Variants in PGAP4 observed in about 807,000 individuals in gnomAD.
The protein encoded by PGAP4 is GPI-N-acetylgalactosamine transferase PGAP4.
In PGAP4, 12 loss-of-function variants were observed where a neutral mutation model predicts 28.2. The observed-to-expected ratio is 0.42, with a 90% confidence interval of 0.27 to 0.69. The LOEUF (loss-of-function observed/expected upper bound fraction) is 0.69. Ranked by LOEUF, PGAP4 falls within the 30% of genes least tolerant of loss-of-function variation. The probability of loss-of-function intolerance (pLI) is 0.22; values close to 1 mark genes in which losing one functional copy is unlikely to be tolerated. For synonymous variants in PGAP4, 205 were observed against 211.8 expected (o/e 0.97, Z 0.28); for missense variants, 425 against 513.5 (o/e 0.83, Z 1.67).
intron 1 of PGAP4, among the ~76,000 whole-genome samples, chr9:101,481,139 C>T (rs576435080): frequency 2.0e-5 from 3 of 152,212 alleles, no homozygotes; most frequent in African/African-American, 4.8e-5. Context: ...GATCGCACCA[C>T]CGCACTCCAG....
At chr9:101,505,971 A>G (rs1168804035) in intron 2 of PGAP4, among the ~76,000 whole-genome samples, 4 of 152,180 alleles carry the variant, frequency 2.6e-5, no homozygotes, top group Non-Finnish European at 4.4e-5. Context: ...CAGCAACTCC[A>G]TAGCATCAAC....
chr9:101,512,875 A>T (rs1826909200), intron 2 of PGAP4, among the ~76,000 whole-genome samples: 1 of 152,148 alleles, frequency 6.6e-6, no homozygotes, highest in African/African-American at 2.4e-5. Context: ...TTCCACGTTC[A>T]AAGAGTTTGA....
chr9:101,503,868 T>C (rs544578026), intron 2 of PGAP4, among the ~76,000 whole-genome samples: 1 of 152,208 alleles, frequency 6.6e-6, no homozygotes, highest in South Asian at 2.1e-4. Flanking sequence ...TGTTCTGCTT[T>C]TAAAAAATTG....
At chr9:101,524,003 C>T (rs958442251) in intron 2 of PGAP4, among the ~76,000 whole-genome samples, 1 of 151,838 alleles carries the variant, frequency 6.6e-6, no homozygotes, top group African/African-American at 2.4e-5. Flanking sequence ...ATTGTTATCT[C>T]TCTTCTGGGT....
intron 2 of PGAP4, among the ~76,000 whole-genome samples, chr9:101,522,846 T>G (rs1826999853): frequency 6.6e-6 from 1 of 152,218 alleles, no homozygotes; most frequent in South Asian, 2.1e-4. Context: ...TTAAAGAAGT[T>G]CTGTTTTGTT....
At chr9:101,493,784 C>T (rs2118576989) in intron 2 of PGAP4, among the ~76,000 whole-genome samples, 1 of 152,212 alleles carries the variant, frequency 6.6e-6, no homozygotes, top group East Asian at 1.9e-4. Flanking sequence ...ATATCTTAGG[C>T]ATGAGGCTTG....
chr9:101,526,235 C>T (rs189435392), intron 2 of PGAP4, among the ~76,000 whole-genome samples: 3 of 152,164 alleles, frequency 2.0e-5, no homozygotes, highest in Admixed American at 6.5e-5. Context: ...TTGTAAGTGG[C>T]TACCCACATA....
At chr9:101,519,317 C>T (rs540139499) in intron 2 of PGAP4, among the ~76,000 whole-genome samples, 1 of 152,212 alleles carries the variant, frequency 6.6e-6, no homozygotes, top group South Asian at 2.1e-4. Context: ...ACTGCCATGC[C>T]CAGCTAATTT....
intron 2 of PGAP4, among the ~76,000 whole-genome samples, chr9:101,520,061 T>A (rs918441671): frequency 2.0e-5 from 3 of 152,236 alleles, no homozygotes; most frequent in African/African-American, 7.2e-5. Flanking sequence ...CTTTATTCTG[T>A]TCCACTGGTC....
intron 1 of PGAP4, 88 bp from the exon 2 acceptor site, chr9:101,477,257 G>C (rs977187890): frequency 1.8e-5 from 18 of 1,011,378 alleles, no homozygotes; most frequent in Non-Finnish European, 2.3e-5. Flanking sequence ...CAAGAACTGA[G>C]CTCAGCACAT....
intron 2 of PGAP4, among the ~76,000 whole-genome samples, chr9:101,496,703 C>A (rs373021414): frequency 1.1e-4 from 17 of 150,960 alleles, no homozygotes; most frequent in East Asian, 5.8e-4. Context: ...TTTAAAAAAA[C>A]CAAAAACAGT....
chr9:101,489,912 TTTGAAC>T (rs775763885), upstream of PGAP4, among the ~76,000 whole-genome samples: 11 of 152,324 alleles, frequency 7.2e-5, no homozygotes, highest in Non-Finnish European at 1.3e-4. Flanking sequence ...AGTAATTGAA[TTTGAAC>T]ATATACCTGA....
rs138386382 is a variant in PGAP4, at chr9:101,507,366, G to T, written c.-164-18166C>A. On this transcript the variant is annotated intron_variant, in intron 2 of 3. Transcript: ENST00000374851. ...TCACTATTTGGGACATGATCTAAGT[G>T]CTGCAAGTCTCCAACTGTCTCCTAA... Among the ~76,000 whole-genome samples the T allele has an allele frequency of 3.7e-3, 565 of 152,204 alleles. 6 individuals are homozygous for T. Among genetic ancestry groups the T allele is most frequent in the Middle Eastern group, 3.4e-3 (1 of 294 alleles).
At chr9:101,518,793 TTTTCATATGAC>T (rs1826961797) in intron 2 of PGAP4, among the ~76,000 whole-genome samples, 2 of 152,336 alleles carry the variant, frequency 1.3e-5, no homozygotes, top group African/African-American at 2.4e-5. Flanking sequence ...GCAAGTATCT[TTTTCATATGAC>T]TTCTTTTCCT....
rs971032657 is a variant in PGAP4 at position 101,473,531 on chromosome 9, G to A, written c.*2350C>T. On this transcript the variant is annotated 3_prime_UTR_variant, in exon 2 of 2. Transcript: ENST00000374848. ...AACTGAGCCTGCATCTGCAGAAAAT[G>A]TCCAAAGACAACTGGCAGAGTTCAC... 2 of 152,266 alleles carry A rather than the reference G, an allele frequency of 1.3e-5. No homozygotes were observed. The highest frequency in any genetic ancestry group is 4.8e-5 in the African/African-American group (2 of 41,458). 9.4% of individuals were successfully genotyped at this position (152,266 alleles called of 1,614,324 possible). A position where few individuals can be genotyped will look rare whatever the true frequency, so the allele number is the denominator to read the frequency against.
intron 2 of PGAP4, among the ~76,000 whole-genome samples, chr9:101,493,270 T>A (rs1479056574): frequency 1.1e-4 from 15 of 138,204 alleles, no homozygotes; most frequent in East Asian, 4.4e-4. Flanking sequence ...AAAAAAAAAA[T>A]AGTAAACTTA....
intron 2 of PGAP4, among the ~76,000 whole-genome samples, chr9:101,521,968 AC>A (rs1826992414): frequency 1.3e-5 from 2 of 152,006 alleles, no homozygotes; most frequent in Non-Finnish European, 2.9e-5. Flanking sequence ...TTCATTTTTG[AC>A]CCAATGCTCA....
chr9:101,492,254 C>CA (rs1252370406), intron 2 of PGAP4, among the ~76,000 whole-genome samples: 1 of 151,690 alleles, frequency 6.6e-6, no homozygotes, highest in African/African-American at 2.4e-5. Flanking sequence ...AGTGCAGTGG[C>CA]ACGATCTCGG....
Position 101,476,847 on chromosome 9 carries a change from C to T in PGAP4, c.246G>A (p.Glu82=). The T allele has an allele frequency of 6.2e-7, 1 of 1,608,610 alleles. No homozygotes were observed. Among genetic ancestry groups the T allele is most frequent in the Middle Eastern group, 1.7e-4 (1 of 6,022 alleles). The change falls in exon 2 of 2, where the codon GAG becomes GAA. Residue 82 remains glutamate, a synonymous_variant. Coordinates refer to ENST00000374848, the MANE Select transcript of PGAP4 (RefSeq NM_032342.3). The surrounding 1 kb of genome is among the most constrained non-coding windows in gnomAD (Gnocchi z 7.0). ...EGEAALHYFE[E]LPSANGSVPI... ...GCACTGAGCCATTGGCAGAGGGAAG[C>T]TCCTCAAAATAGTGGAGGGCAGCCT...
Sources: gnomAD v4.1 joint callset for allele counts (sites outside exome capture counted in the v4.1 genomes callset) on GRCh38, gnomAD v4.1.1 for gene constraint, Gnocchi (gnomAD v3.1) non-coding constraint, MANE v1.5 for transcripts, NCBI Gene and HGNC (gene_info 2026-07-23, HGNC 2026-07-21) for gene names.